The following ACSS3 variants were observed in gnomAD, a reference collection of about 807,000 sequenced individuals.
ACSS3 encodes acyl-CoA synthetase short-chain family member 3, mitochondrial.
In ACSS3, 64 loss-of-function variants were observed where a neutral mutation model predicts 84.2. The ratio of observed to expected loss-of-function variants is 0.76; its 90% CI spans 0.62 to 0.94. ACSS3 has a LOEUF of 0.94. ACSS3 is among the 40% of genes least tolerant of loss of function. The pLI, the probability that ACSS3 is intolerant of heterozygous loss-of-function variation, is 0.00. For synonymous variants in ACSS3, 317 were observed against 310.1 expected (o/e 1.02, Z -0.23); for missense variants, 815 against 867.6 (o/e 0.94, Z 0.76).
chr12:81,130,271 A>G (rs1046859846), intron 2 of ACSS3, among the ~76,000 whole-genome samples: 3 of 152,168 alleles, frequency 2.0e-5, no homozygotes, highest in East Asian at 1.9e-4. Context: ...ATTTCTCCAC[A>G]TCCTGTCCAG....
intron 8 of ACSS3, among the ~76,000 whole-genome samples, chr12:81,190,219 G>C (rs1002977628): frequency 4.7e-5 from 7 of 148,778 alleles, no homozygotes; most frequent in Non-Finnish European, 7.5e-5. Context: ...GATAGAGAGA[G>C]AGACTTTACA....
chr12:81,179,765 C>CGAGA (rs71098130), intron 8 of ACSS3, among the ~76,000 whole-genome samples: 63,298 of 134,394 alleles, frequency 0.47, 15,162 homozygotes, highest in Middle Eastern at 0.55. Context: ...GGTGACAGAG[C>CGAGA]GAGACTCCGT....
intron 1 of ACSS3, among the ~76,000 whole-genome samples, chr12:81,086,230 G>A (rs550128596): frequency 2.0e-5 from 3 of 151,898 alleles, no homozygotes; most frequent in South Asian, 4.2e-4. Context: ...TTTATTCATA[G>A]CGTTGTACAC....
At chr12:81,127,081 T>A (rs554395935) in intron 2 of ACSS3, among the ~76,000 whole-genome samples, 80 of 151,834 alleles carry the variant, frequency 5.3e-4, no homozygotes, top group Non-Finnish European at 9.0e-4. Flanking sequence ...AATGTTTTCA[T>A]CTTTAAAAGA....
At chr12:81,246,381 C>G (rs2033985031) in intron 13 of ACSS3, among the ~76,000 whole-genome samples, 1 of 152,156 alleles carries the variant, frequency 6.6e-6, no homozygotes, top group Non-Finnish European at 1.5e-5. Flanking sequence ...TTTCCTGGGC[C>G]TCTGACCAGA....
chr12:81,078,300 C>A lies in ACSS3; in HGVS notation c.180C>A (p.Ser60Arg), dbSNP rs746816546. Residue 60 changes from serine (S) to arginine (R), a missense_variant, in exon 1 of 16, where the codon AGC becomes AGA. Transcript: ENST00000548058. ...GGGCACTGTCCTCCGGCAGTGGCAG[C>A]GAGTACAAGACCCACTTCGCAGCCT... ...GCRALSSGSG[S>R]EYKTHFAASV... 1.6e-5 allele frequency: 26 copies of A among 1,612,038 alleles called. No homozygotes were observed. The South Asian group carries it at 2.3e-4, about 14-fold the overall frequency.
At position 81,220,041 on chromosome 12, in the gene ACSS3, A is replaced by C; in HGVS notation, c.1479A>C (p.Lys493Asn). Reference sequence around the variant, plus strand: ...TGATTTTGGATGACAACATGCAAAAACTGAAGGCTCGGTGTTTAGGAAATA... The same window carrying C: ...TGATTTTGGATGACAACATGCAAAACCTGAAGGCTCGGTGTTTAGGAAATA... ...NVMILDDNMQKLKARCLGNIV... is the reference protein window; with the variant it reads ...NVMILDDNMQNLKARCLGNIV... The change falls in exon 11 of 16, where the codon AAA (lysine) becomes AAC (asparagine). Residue 493 changes from lysine to asparagine, a missense_variant. Physicochemically the swap from Lys to Asn is moderately conservative, Grantham distance 94. Transcript: ENST00000548058. The C allele has an allele frequency of 1.3e-6, 2 of 1,543,588 alleles. No individual in the cohort carries two copies. Among genetic ancestry groups the C allele is most frequent in the Non-Finnish European group, 8.7e-7 (1 of 1,144,784 alleles).
intron 9 of ACSS3, among the ~76,000 whole-genome samples, chr12:81,200,447 C>T (rs2032047467): frequency 6.6e-6 from 1 of 152,078 alleles, no homozygotes; most frequent in African/African-American, 2.4e-5. Flanking sequence ...GATTACTTTG[C>T]AAAAAATTAG....
At chr12:81,092,205 G>A (rs573075489) in intron 1 of ACSS3, among the ~76,000 whole-genome samples, 1 of 151,368 alleles carries the variant, frequency 6.6e-6, no homozygotes. Context: ...TCTTTATTTT[G>A]TTCATTCATC....
chr12:81,201,065 T>C (rs2032085327), intron 9 of ACSS3, among the ~76,000 whole-genome samples: 1 of 152,142 alleles, frequency 6.6e-6, no homozygotes, highest in Non-Finnish European at 1.5e-5. Flanking sequence ...GGAAAATTAT[T>C]TAAACTCAGA....
intron 1 of ACSS3, among the ~76,000 whole-genome samples, chr12:81,083,226 T>G (rs2121275375): frequency 6.6e-6 from 1 of 152,338 alleles, no homozygotes; most frequent in African/African-American, 2.4e-5. Context: ...CATTTACTTC[T>G]TAGGTCACAG....
intron 2 of ACSS3, among the ~76,000 whole-genome samples, chr12:81,129,818 C>T (rs1343121791): frequency 1.4e-5 from 2 of 138,538 alleles, no homozygotes; most frequent in Non-Finnish European, 3.1e-5. Flanking sequence ...ATATTCCCCG[C>T]CCTGTGTCCA....
chr12:81,143,829 T>C (rs1323187046), intron 5 of ACSS3, among the ~76,000 whole-genome samples: 1 of 152,180 alleles, frequency 6.6e-6, no homozygotes, highest in Non-Finnish European at 1.5e-5. Flanking sequence ...TACCATGAAA[T>C]GTGTTTTTAC....
At chr12:81,240,369 C>T (rs187005461) in intron 13 of ACSS3, among the ~76,000 whole-genome samples, 2 of 151,902 alleles carry the variant, frequency 1.3e-5, no homozygotes, top group Admixed American at 6.6e-5. Flanking sequence ...CATAACTACT[C>T]CTACTTATAA....
intron 5 of ACSS3, among the ~76,000 whole-genome samples, chr12:81,146,684 A>G (rs1461453921): frequency 6.6e-6 from 1 of 152,132 alleles, no homozygotes; most frequent in East Asian, 1.9e-4. Context: ...CTTTGCATAC[A>G]TTTCTGTTTT....
chr12:81,211,874 T>C (rs1194672356), intron 9 of ACSS3, among the ~76,000 whole-genome samples: 1 of 152,206 alleles, frequency 6.6e-6, no homozygotes. Flanking sequence ...CCTTATTTCC[T>C]ATCAATACTT....
At chr12:81,251,022 A>G (rs2034132754) in intron 13 of ACSS3, among the ~76,000 whole-genome samples, 1 of 152,150 alleles carries the variant, frequency 6.6e-6, no homozygotes, top group Admixed American at 6.5e-5. Context: ...GTTTTCCTAT[A>G]TAAGCTGTGT....
rs759528035 is a variant in ACSS3, at chr12:81,258,436, A to C, written c.*3514A>C. On this transcript the variant is annotated 3_prime_UTR_variant, in exon 16 of 16. Coordinates refer to ENST00000548058, the MANE Select transcript of ACSS3 (RefSeq NM_024560.4). Reference sequence around the variant, plus strand: ...AATGACAGGTCTTGCGCTTAATAAGATCAAGCAGCAGAAAATCAGCAGTTA... The same window carrying C: ...AATGACAGGTCTTGCGCTTAATAAGCTCAAGCAGCAGAAAATCAGCAGTTA... 1.3e-5 allele frequency: 2 copies of C among 152,178 alleles called. No homozygotes were observed. The highest frequency in any genetic ancestry group is 2.9e-5 in the Non-Finnish European group (2 of 68,022). The allele number at this position is 152,178 out of a possible 1,614,324, so 9.4% of individuals were successfully genotyped here.
chr12:81,158,126 TG>T (rs1364024136), intron 7 of ACSS3, among the ~76,000 whole-genome samples: 2 of 152,152 alleles, frequency 1.3e-5, no homozygotes, highest in African/African-American at 4.8e-5. Flanking sequence ...GTATCTTGAC[TG>T]TATCAATATT....
Sources: allele counts gnomAD v4.1 joint callset (sites outside exome capture counted in the v4.1 genomes callset), GRCh38; gene constraint gnomAD v4.1.1; transcripts MANE v1.5; gene names NCBI Gene and HGNC (gene_info 2026-07-23, HGNC 2026-07-21).